JAK2: variants seen among roughly 807,000 people sequenced by gnomAD.
JAK2 encodes Janus kinase 2.
Under a neutral mutation model 139.3 loss-of-function variants are expected in JAK2, and 86 were observed. The observed-to-expected ratio is 0.62, with a 90% CI of 0.52 to 0.74. The LOEUF (loss-of-function observed/expected upper bound fraction) is 0.74. Ranked by LOEUF, JAK2 falls within the 30% of genes least tolerant of loss-of-function variation. JAK2 has a pLI of 0.00. For synonymous variants in JAK2, 490 were observed against 437.7 expected (o/e 1.12, Z -1.49); for missense variants, 1,421 against 1,360.3 (o/e 1.04, Z -0.70).
intron 22 of JAK2, among the ~76,000 whole-genome samples, chr9:5,105,818 T>C (rs1402245236): frequency 1.3e-5 from 2 of 152,194 alleles, no homozygotes; most frequent in Admixed American, 1.3e-4. Flanking sequence ...GGGAAAAGGA[T>C]TCCTTATTTA....
intron 5 of JAK2, among the ~76,000 whole-genome samples, chr9:5,049,892 C>A (rs75871794): frequency 6.6e-6 from 1 of 151,968 alleles, no homozygotes; most frequent in Non-Finnish European, 1.5e-5. Context: ...TGTAACACAA[C>A]GGTAAGTATT....
chr9:5,087,566 C>T (rs1422236357), intron 19 of JAK2, among the ~76,000 whole-genome samples: 1 of 152,128 alleles, frequency 6.6e-6, no homozygotes, highest in African/African-American at 2.4e-5. Flanking sequence ...TCTTCATCTC[C>T]TTCTTCCATA....
chr9:5,041,255 A>C, intron 4 of JAK2: 2 of 1,423,180 alleles, frequency 1.4e-6, no homozygotes, highest in South Asian at 2.4e-5. Context: ...CGCCATCCAC[A>C]TCATCGACCT....
At chr9:5,052,249 G>A (rs965024212) in intron 6 of JAK2, among the ~76,000 whole-genome samples, 16 of 152,192 alleles carry the variant, frequency 1.1e-4, no homozygotes, top group Middle Eastern at 3.4e-3. Flanking sequence ...GTAGATTGTA[G>A]TTTCTTCCAG....
rs1182386202 is a variant in JAK2 at position 5,128,091 on chromosome 9, T to C, written c.*1300T>C. Reference sequence around the variant, plus strand: ...AAATATGGTGGGTTTTGTGTGTGTGTGTGTGTGTGTGTGTGTGTGTGTGTG... The same window carrying C: ...AAATATGGTGGGTTTTGTGTGTGTGCGTGTGTGTGTGTGTGTGTGTGTGTG... On this transcript the variant is annotated 3_prime_UTR_variant, in exon 25 of 25. Coordinates refer to ENST00000381652, the MANE Select transcript of JAK2 (RefSeq NM_004972.4). The C allele has an allele frequency of 8.8e-6, 2 of 226,800 alleles. No homozygotes were observed. Among genetic ancestry groups the C allele is most frequent in the Non-Finnish European group, 1.7e-5 (2 of 115,120 alleles). The allele number at this position is 226,800 out of a possible 1,614,324, so 14.0% of individuals were successfully genotyped here. A position where few individuals can be genotyped will look rare whatever the true frequency, so the allele number is the denominator to read the frequency against.
rs531471923 is a variant in JAK2, at chr9:5,129,376, T to G, written c.*2585T>G. ...GATGTTGTGATAGCTTACCTTCCAG[T>G]TTTTAAGAAATGCTTCCTACAACTG... is the stretch of plus-strand genomic sequence containing the variant. On this transcript the variant is annotated 3_prime_UTR_variant, in exon 25 of 25. Coordinates refer to ENST00000381652, the MANE Select transcript of JAK2 (RefSeq NM_004972.4). Among the ~76,000 whole-genome samples, 74 of 152,212 alleles carry G rather than the reference T, an allele frequency of 4.9e-4. No individual in the cohort carries two copies. Among genetic ancestry groups the G allele is most frequent in the African/African-American group, 1.7e-3 (71 of 41,564 alleles).
At chr9:5,078,752 A>G (rs1819480981) in intron 16 of JAK2, among the ~76,000 whole-genome samples, 1 of 152,074 alleles carries the variant, frequency 6.6e-6, no homozygotes, top group Non-Finnish European at 1.5e-5. Context: ...CCACAAGTAA[A>G]TTTTCTAAAT....
intron 19 of JAK2, among the ~76,000 whole-genome samples, chr9:5,084,716 T>C (rs755362778): frequency 3.9e-5 from 6 of 152,330 alleles, no homozygotes; most frequent in South Asian, 2.1e-4. Flanking sequence ...ATTTGTGTAA[T>C]AGCCTTACAT....
intron 22 of JAK2, among the ~76,000 whole-genome samples, chr9:5,115,451 A>G (rs956006930): frequency 6.6e-6 from 1 of 152,246 alleles, no homozygotes; most frequent in African/African-American, 2.4e-5. Flanking sequence ...GAATGCTTTT[A>G]CATTGTTGAT....
chr9:5,043,529 A>G (rs1357408764), intron 4 of JAK2, among the ~76,000 whole-genome samples: 1 of 152,206 alleles, frequency 6.6e-6, no homozygotes, highest in Non-Finnish European at 1.5e-5. Context: ...TACTTTGGAA[A>G]ACAGTTTGGC....
At chr9:4,988,906 G>A (rs1245960219) in intron 2 of JAK2, among the ~76,000 whole-genome samples, 1 of 152,050 alleles carries the variant, frequency 6.6e-6, no homozygotes, top group Admixed American at 6.5e-5. Flanking sequence ...CATTCAAAAT[G>A]TCCATATTTC....
At chr9:5,033,701 G>C (rs1391669479) in intron 4 of JAK2, among the ~76,000 whole-genome samples, 1 of 152,164 alleles carries the variant, frequency 6.6e-6, no homozygotes, top group African/African-American at 2.4e-5. Flanking sequence ...GAGAGATTTT[G>C]TCACCACCAG....
At chr9:5,068,158 C>CA (rs1466637853) in intron 10 of JAK2, among the ~76,000 whole-genome samples, 9 of 77,512 alleles carry the variant, frequency 1.2e-4, no homozygotes, top group Middle Eastern at 6.5e-3. Context: ...GACACGGTCT[C>CA]AAAAAAAAAC....
chr9:5,029,315 A>G (rs1369931925), intron 3 of JAK2, among the ~76,000 whole-genome samples: 2 of 152,188 alleles, frequency 1.3e-5, no homozygotes, highest in Non-Finnish European at 2.9e-5. Context: ...TTGTCATCTT[A>G]TATGGGCACG....
At chr9:5,119,010 T>C (rs1484113789) in intron 22 of JAK2, among the ~76,000 whole-genome samples, 2 of 152,200 alleles carry the variant, frequency 1.3e-5, no homozygotes, top group Non-Finnish European at 2.9e-5. Flanking sequence ...TTTAAACTAA[T>C]ACATTCAGAA....
intron 4 of JAK2, among the ~76,000 whole-genome samples, chr9:5,032,838 C>A (rs1823269605): frequency 1.3e-5 from 2 of 152,150 alleles, no homozygotes; most frequent in South Asian, 2.1e-4. Flanking sequence ...AATGAGAGCA[C>A]CTCTCCTCCT....
chr9:5,111,272 T>A, intron 22 of JAK2: 1 of 490,786 alleles, frequency 2.0e-6, no homozygotes, highest in South Asian at 1.8e-5. Flanking sequence ...GCAGCCTGAC[T>A]CAGGCTGGCT....
intron 22 of JAK2, among the ~76,000 whole-genome samples, chr9:5,105,278 C>T (rs1821860026): frequency 6.6e-6 from 1 of 152,110 alleles, no homozygotes. Flanking sequence ...GACAAACATA[C>T]AGCCAAATCA....
intron 19 of JAK2, among the ~76,000 whole-genome samples, 181 bp from the exon 20 acceptor site, chr9:5,089,493 G>A (rs1487445529): frequency 8.9e-5 from 12 of 134,244 alleles, no homozygotes; most frequent in Admixed American, 1.6e-4. Flanking sequence ...AGCCGAGATC[G>A]TGCCACTGCA....
Sources: allele counts gnomAD v4.1 joint callset (sites outside exome capture counted in the v4.1 genomes callset), GRCh38; gene constraint gnomAD v4.1.1; transcripts MANE v1.5; gene names NCBI Gene and HGNC (gene_info 2026-07-23, HGNC 2026-07-21).